The following RNF144B variants were observed in gnomAD, a reference collection of about 807,000 sequenced individuals.
RNF144B encodes the protein E3 ubiquitin-protein ligase RNF144B.
A neutral mutation model predicts 40.2 loss-of-function variants in RNF144B; 25 were observed. That is an observed-to-expected ratio of 0.62 (90% CI 0.45 to 0.87). RNF144B has a LOEUF of 0.87. RNF144B is among the 40% of genes least tolerant of loss of function. The pLI, the probability that RNF144B is intolerant of heterozygous loss-of-function variation, is 0.00. For synonymous variants in RNF144B, 145 were observed against 136.3 expected (o/e 1.06, Z -0.44); for missense variants, 365 against 373.7 (o/e 0.98, Z 0.19).
chr6:18,468,576 T>C lies in RNF144B; in HGVS notation c.*3509T>C, dbSNP rs1021558262. On this transcript the variant is annotated 3_prime_UTR_variant, in exon 8 of 8. Coordinates refer to ENST00000259939, the MANE Select transcript of RNF144B (RefSeq NM_182757.4). ...AATTAAATGTATATTTCTTTAGCCT[T>C]CCCTACACAGTACTAATAAAAGACT... The C allele has an allele frequency of 6.6e-6, 1 of 152,250 alleles. No homozygotes were observed. The highest frequency in any genetic ancestry group is 2.4e-5 in the African/African-American group (1 of 41,466). The allele number at this position is 152,250 out of a possible 1,614,324, so 9.4% of individuals were successfully genotyped here.
rs79903805 is a variant in RNF144B, at chr6:18,420,278, A to T, written c.166-7303A>T. 5.3e-3 allele frequency among the ~76,000 whole-genome samples: 807 copies of T among 152,208 alleles called. 11 individuals are homozygous for T. Among genetic ancestry groups the T allele is most frequent in the African/African-American group, 0.018 (767 of 41,538 alleles). The stretch of plus-strand genomic sequence containing the variant: ...CCTTTGAGCACCATATTGGTGCTTA[A>T]AAAGTTTTGGATTTTGGAGCATTTC... On this transcript the variant is annotated intron_variant, in intron 2 of 7. Transcript: ENST00000259939.
In RNF144B at chr6:18,460,890, A is replaced by T. The variant is rs35978454; in HGVS notation, c.681+1139A>T. Among the ~76,000 whole-genome samples the T allele has an allele frequency of 0.032, 4,904 of 152,252 alleles. 128 individuals are homozygous for T. Among genetic ancestry groups the T allele is most frequent in the Non-Finnish European group, 0.052 (3,564 of 68,018 alleles). ...GTAACATAAGTTGTTTATAGATAAC[A>T]CTCTGTTTTGGCAATTTGGACCTCT... On this transcript the variant is annotated intron_variant, in intron 6 of 7. Coordinates refer to ENST00000259939, the MANE Select transcript of RNF144B (RefSeq NM_182757.4). This position sits in a 1 kb window ranked among gnomAD's most constrained non-coding sequence, Gnocchi z 4.4.
intron 1 of RNF144B, among the ~76,000 whole-genome samples, chr6:18,390,801 G>A (rs552183518): frequency 1.4e-3 from 217 of 152,298 alleles, no homozygotes; most frequent in African/African-American, 5.0e-3. Context: ...TCCTCAACTA[G>A]TTGACTCTTA....
At chr6:18,389,222 T>G (rs1423631787) in intron 1 of RNF144B, among the ~76,000 whole-genome samples, 1 of 152,186 alleles carries the variant, frequency 6.6e-6, no homozygotes, top group Non-Finnish European at 1.5e-5. Flanking sequence ...CATTGGCAAT[T>G]TAAAGGCATT....
At chr6:18,407,318 G>T (rs923703888) in intron 2 of RNF144B, among the ~76,000 whole-genome samples, 5 of 152,196 alleles carry the variant, frequency 3.3e-5, no homozygotes, top group Admixed American at 1.3e-4. Context: ...GATGATAGTG[G>T]CCTGGACCAG....
At chr6:18,463,697 G>T (rs997973571) in intron 7 of RNF144B, among the ~76,000 whole-genome samples, 5 of 152,298 alleles carry the variant, frequency 3.3e-5, no homozygotes, top group African/African-American at 1.2e-4. Context: ...AGCCCTTTAA[G>T]GCATATTACC....
rs965703342 is a variant in RNF144B, at chr6:18,419,879, A to G, written c.166-7702A>G. On this transcript the variant is annotated intron_variant, in intron 2 of 7. Coordinates refer to ENST00000259939, the MANE Select transcript of RNF144B (RefSeq NM_182757.4). The surrounding 1 kb of genome is among the most constrained non-coding windows in gnomAD (Gnocchi z 4.6). ...TTTCTTTGATTAGGATATTTTGAAC[A>G]TGTTCAAGTATAGACAGGACAAAAT... 6.6e-5 allele frequency among the ~76,000 whole-genome samples: 10 copies of G among 152,200 alleles called. No individual in the cohort carries two copies. Among genetic ancestry groups the G allele is most frequent in the African/African-American group, 2.4e-4 (10 of 41,450 alleles).
chr6:18,438,095 A>G (rs1758864166), intron 3 of RNF144B, among the ~76,000 whole-genome samples: 1 of 152,184 alleles, frequency 6.6e-6, no homozygotes, highest in African/African-American at 2.4e-5. Flanking sequence ...GTTGGTCCAG[A>G]AGCTGACGTA....
chr6:18,463,929 C>G (rs1437347502), intron 7 of RNF144B, among the ~76,000 whole-genome samples: 2 of 152,152 alleles, frequency 1.3e-5, no homozygotes, highest in African/African-American at 4.8e-5. Context: ...ACCATCAGAT[C>G]TCATGAAACT....
At chr6:18,404,305 A>G (rs1050960037) in intron 2 of RNF144B, among the ~76,000 whole-genome samples, 3 of 152,182 alleles carry the variant, frequency 2.0e-5, no homozygotes, top group African/African-American at 7.2e-5. Context: ...GAATGCAGAT[A>G]TGGAGATAAG....
In RNF144B at chr6:18,400,259, C is replaced by A. The variant is rs531141558; in HGVS notation, c.165+560C>A. ...CTGCACTCCAGCCTGGGCGACAGAG[C>A]GAGACTCTGTCTCAAAAAAAAAAAA... On this transcript the variant is annotated intron_variant, in intron 2 of 7. Coordinates refer to ENST00000259939, the MANE Select transcript of RNF144B (RefSeq NM_182757.4). This position sits in a 1 kb window ranked among gnomAD's most constrained non-coding sequence, Gnocchi z 5.6. Among the ~76,000 whole-genome samples the A allele has an allele frequency of 4.9e-5, 7 of 141,846 alleles. No homozygotes were observed. The South Asian group carries it at 1.4e-3, about 28-fold the overall frequency. 93.1% of individuals were successfully genotyped at this position (141,846 alleles called of 152,430 possible). A position where few individuals can be genotyped will look rare whatever the true frequency, so the allele number is the denominator to read the frequency against.
At chr6:18,401,248 G>A (rs1211191799) in intron 2 of RNF144B, among the ~76,000 whole-genome samples, 1 of 152,204 alleles carries the variant, frequency 6.6e-6, no homozygotes, top group African/African-American at 2.4e-5. Context: ...TTCTCAGGGA[G>A]CTAACACTGT....
At chr6:18,409,413 ACT>A (rs2113474297) in intron 2 of RNF144B, among the ~76,000 whole-genome samples, 1 of 147,262 alleles carries the variant, frequency 6.8e-6, no homozygotes, top group African/African-American at 2.5e-5. Flanking sequence ...ACCCTGGAAA[ACT>A]CTTCTTTTTC....
In RNF144B at chr6:18,395,359, C is replaced by T. The variant is rs144981600; in HGVS notation, c.-36-4140C>T. Among the ~76,000 whole-genome samples the T allele has an allele frequency of 3.7e-4, 56 of 152,120 alleles. No homozygotes were observed. Among genetic ancestry groups the T allele is most frequent in the African/African-American group, 1.3e-3 (52 of 41,492 alleles). On this transcript the variant is annotated intron_variant, in intron 1 of 7. Transcript: ENST00000259939. This position sits in a 1 kb window ranked among gnomAD's most constrained non-coding sequence, Gnocchi z 4.5. The stretch of plus-strand genomic sequence containing the variant: ...GAGCTGGGAGTGTGTTATCAAATGC[C>T]CTGAGCTTCCTGAGGCTCTACTATT...
Position 18,410,961 on chromosome 6 carries a change from GCTTT to G in RNF144B, c.165+11267_165+11270del, listed in dbSNP as rs1166240760. Among the ~76,000 whole-genome samples, 1 of 151,174 alleles carries G rather than the reference GCTTT, an allele frequency of 6.6e-6. No individual in the cohort carries two copies. Among genetic ancestry groups the G allele is most frequent in the Non-Finnish European group, 1.5e-5 (1 of 67,898 alleles). On this transcript the variant is annotated intron_variant, in intron 2 of 7. Coordinates refer to ENST00000259939, the MANE Select transcript of RNF144B (RefSeq NM_182757.4). This position sits in a 1 kb window ranked among gnomAD's most constrained non-coding sequence, Gnocchi z 4.6. ...TTCCTATCCATTTGGGATACTGTCA[GCTTT>G]CTTTTCTTTTTTTTTCTTCTTTTCT...
chr6:18,428,280 T>C (rs142050546), intron 3 of RNF144B, among the ~76,000 whole-genome samples: 61 of 152,314 alleles, frequency 4.0e-4, no homozygotes, highest in African/African-American at 1.4e-3. Flanking sequence ...GTCTTGGGTA[T>C]TTCTTCATAG....
At chr6:18,403,945 C>T (rs1050424574) in intron 2 of RNF144B, among the ~76,000 whole-genome samples, 1 of 152,144 alleles carries the variant, frequency 6.6e-6, no homozygotes, top group East Asian at 1.9e-4. Context: ...TTCATTCCCG[C>T]AAGAACTAAT....
intron 1 of RNF144B, among the ~76,000 whole-genome samples, chr6:18,397,971 A>C (rs1189971674): frequency 6.6e-6 from 1 of 152,060 alleles, no homozygotes; most frequent in Non-Finnish European, 1.5e-5. Context: ...TACCCGTTGA[A>C]CATGCCAGGT....
intron 1 of RNF144B, among the ~76,000 whole-genome samples, 172 bp downstream of exon 1, chr6:18,387,802 T>A (rs2113445793): frequency 6.6e-6 from 1 of 152,338 alleles, no homozygotes; most frequent in Admixed American, 6.5e-5. Flanking sequence ...TAAACACCTG[T>A]TAACTTAGAA....
Sources: gnomAD v4.1 joint callset for allele counts (sites outside exome capture counted in the v4.1 genomes callset) on GRCh38, gnomAD v4.1.1 for gene constraint, Gnocchi (gnomAD v3.1) non-coding constraint, MANE v1.5 for transcripts, NCBI Gene and HGNC (gene_info 2026-07-23, HGNC 2026-07-21) for gene names.